PALLD: variants seen among roughly 807,000 people sequenced by gnomAD.
PALLD encodes the protein palladin, cytoskeletal associated protein, also known as palladin.
A neutral mutation model predicts 123.5 loss-of-function variants in PALLD; 61 were observed. The ratio of observed to expected loss-of-function variants is 0.49; its 90% CI spans 0.40 to 0.61. The LOEUF is 0.61. PALLD is among the 20% of genes least tolerant of loss of function. The probability of loss-of-function intolerance (pLI) is 0.00; values close to 1 mark genes in which losing one functional copy is unlikely to be tolerated. For synonymous variants in PALLD, 465 were observed against 496.4 expected (o/e 0.94, Z 0.84); for missense variants, 1,273 against 1,377.0 (o/e 0.92, Z 1.20).
intron 7 of PALLD, 73 bp from the exon 8 acceptor site, chr4:168,691,196 T>A (rs556405871): frequency 9.5e-7 from 1 of 1,052,238 alleles, no homozygotes; most frequent in African/African-American, 1.6e-5. Flanking sequence ...AAGGAACAAG[T>A]AGGTTTTTTT....
chr4:168,795,134 C>T (rs1287258231), intron 10 of PALLD, among the ~76,000 whole-genome samples: 7 of 152,156 alleles, frequency 4.6e-5, no homozygotes, highest in Admixed American at 6.5e-5. Context: ...AAGGTCCCAC[C>T]TCCTAAAACC....
intron 2 of PALLD, among the ~76,000 whole-genome samples, chr4:168,638,409 C>T (rs1776561517): frequency 6.6e-6 from 1 of 152,136 alleles, no homozygotes; most frequent in Admixed American, 6.6e-5. Context: ...TTTCAAGTTG[C>T]AGTTGATCTC....
chr4:168,915,167 C>G (rs1054412528), intron 16 of PALLD, among the ~76,000 whole-genome samples: 2 of 152,140 alleles, frequency 1.3e-5, no homozygotes, highest in African/African-American at 4.8e-5. Flanking sequence ...TAGTATGCTT[C>G]TTTCATTTGT....
At chr4:168,760,677 C>T (rs937752247) in intron 10 of PALLD, among the ~76,000 whole-genome samples, 1 of 152,312 alleles carries the variant, frequency 6.6e-6, no homozygotes. Flanking sequence ...CACCCAAGAG[C>T]ATGCTGGAAA....
At chr4:168,809,875 GA>G (rs34684368) in intron 10 of PALLD, among the ~76,000 whole-genome samples, 2 of 145,106 alleles carry the variant, frequency 1.4e-5, no homozygotes, top group South Asian at 2.1e-4. Context: ...AAAAAAAAAA[GA>G]AAAAAAAATC....
At chr4:168,780,871 AG>A (rs1372595568) in intron 10 of PALLD, among the ~76,000 whole-genome samples, 1 of 152,108 alleles carries the variant, frequency 6.6e-6, no homozygotes, top group African/African-American at 2.4e-5. Context: ...TAATTTTAGT[AG>A]AGACGGGGTT....
intron 2 of PALLD, among the ~76,000 whole-genome samples, chr4:168,576,952 AAATTGGCAG>A (rs1292639346): frequency 6.6e-6 from 1 of 152,018 alleles, no homozygotes; most frequent in East Asian, 1.9e-4. Context: ...GGATGTGGAG[AAATTGGCAG>A]CATTTTCTTT....
intron 2 of PALLD, among the ~76,000 whole-genome samples, chr4:168,577,596 ATTGT>A (rs1055890752): frequency 1.3e-5 from 2 of 152,064 alleles, no homozygotes; most frequent in African/African-American, 4.8e-5. Flanking sequence ...TCTCTAAGAG[ATTGT>A]TTGTTATGCT....
intron 18 of PALLD, among the ~76,000 whole-genome samples, chr4:168,923,916 C>G (rs577115025): frequency 2.2e-5 from 2 of 92,870 alleles, no homozygotes; most frequent in African/African-American, 6.0e-5. Flanking sequence ...TGTGAATGAT[C>G]GGTAACATAA....
Position 168,703,451 on chromosome 4 carries a change from A to G in PALLD, c.1502-5577A>G, listed in dbSNP as rs901474072. 9.8e-5 allele frequency among the ~76,000 whole-genome samples: 12 copies of G among 122,134 alleles called. 1 individual carries two copies. The highest frequency in any genetic ancestry group is 1.6e-4 in the Non-Finnish European group (10 of 62,750). 80.1% of individuals were successfully genotyped at this position (122,134 alleles called of 152,430 possible). A position where few individuals can be genotyped will look rare whatever the true frequency, so the allele number is the denominator to read the frequency against. ...TAATGGGATGGCTGGGTCAAATGAT[A>G]TTTCCAGTTCTAGATCCCTGAGGAA... On this transcript the variant is annotated intron_variant, in intron 8 of 21. Transcript: ENST00000505667.
At chr4:168,732,854 G>T (rs906276712) in intron 10 of PALLD, among the ~76,000 whole-genome samples, 1 of 152,106 alleles carries the variant, frequency 6.6e-6, no homozygotes, top group African/African-American at 2.4e-5. Context: ...ATTTCACAAA[G>T]AAAGTCTTAA....
chr4:168,726,490 C>T (rs1330324541), intron 10 of PALLD, among the ~76,000 whole-genome samples: 1 of 152,104 alleles, frequency 6.6e-6, no homozygotes, highest in Non-Finnish European at 1.5e-5. Flanking sequence ...GTTCAGTAGA[C>T]ATTTTTAATT....
At chr4:168,914,471 A>T (rs1382512465) in intron 16 of PALLD, among the ~76,000 whole-genome samples, 1 of 152,336 alleles carries the variant, frequency 6.6e-6, no homozygotes, top group East Asian at 1.9e-4. Flanking sequence ...AGTTCAAAAC[A>T]TAAGACCATT....
chr4:168,514,831 G>A (rs1762846444), intron 2 of PALLD, among the ~76,000 whole-genome samples: 1 of 152,126 alleles, frequency 6.6e-6, no homozygotes, highest in African/African-American at 2.4e-5. Flanking sequence ...GATTAATTCA[G>A]GTGAACAGAC....
chr4:168,587,452 A>G (rs1176303904), intron 2 of PALLD, among the ~76,000 whole-genome samples: 1 of 152,178 alleles, frequency 6.6e-6, no homozygotes, highest in Non-Finnish European at 1.5e-5. Flanking sequence ...AAAGCAGCAG[A>G]CAGCTCACCA....
chr4:168,629,716 G>C (rs1468178468), intron 2 of PALLD, among the ~76,000 whole-genome samples: 1 of 151,978 alleles, frequency 6.6e-6, no homozygotes, highest in Admixed American at 6.6e-5. Context: ...CACAAACCGC[G>C]TAACGTTGGG....
intron 2 of PALLD, among the ~76,000 whole-genome samples, chr4:168,599,292 G>A (rs901920048): frequency 6.6e-6 from 1 of 152,172 alleles, no homozygotes; most frequent in Non-Finnish European, 1.5e-5. Context: ...AAGATTTGAG[G>A]TTCACAATAA....
intron 2 of PALLD, among the ~76,000 whole-genome samples, chr4:168,601,455 C>T (rs1772645547): frequency 6.6e-6 from 1 of 152,088 alleles, no homozygotes; most frequent in South Asian, 2.1e-4. Context: ...ACCACTACCA[C>T]CGTCACCACC....
At chr4:168,916,548 T>C (rs1363718344) in intron 17 of PALLD, among the ~76,000 whole-genome samples, 1 of 152,186 alleles carries the variant, frequency 6.6e-6, no homozygotes, top group Non-Finnish European at 1.5e-5. Context: ...CTCTAGAAAG[T>C]CATCAGGAGG....
Sources: gnomAD v4.1 joint callset for allele counts (sites outside exome capture counted in the v4.1 genomes callset) on GRCh38, gnomAD v4.1.1 for gene constraint, MANE v1.5 for transcripts, NCBI Gene and HGNC (gene_info 2026-07-23, HGNC 2026-07-21) for gene names.